The following TMEM120B variants were observed in gnomAD, a reference collection of about 807,000 sequenced individuals.
TMEM120B encodes transmembrane protein 120B.
A neutral mutation model predicts 55.5 loss-of-function variants in TMEM120B; 31 were observed. The observed-to-expected ratio is 0.56, with a 90% CI of 0.42 to 0.75. TMEM120B has a LOEUF of 0.75. Among genes scored for constraint, TMEM120B ranks in the 30% least tolerant of loss-of-function variants. The pLI is 0.00. For synonymous variants in TMEM120B, 203 were observed against 176.3 expected (o/e 1.15, Z -1.20); for missense variants, 399 against 425.5 (o/e 0.94, Z 0.55).
chr12:121,771,038 G>A, intron 7 of TMEM120B, 66 bp downstream of exon 7: 14 of 1,549,474 alleles, frequency 9.0e-6, no homozygotes, highest in Middle Eastern at 1.7e-4. Context: ...CGGGAATGGG[G>A]AGGGGGCTGA....
intron 1 of TMEM120B, among the ~76,000 whole-genome samples, chr12:121,733,728 G>C (rs1184861588): frequency 6.7e-6 from 1 of 150,172 alleles, no homozygotes; most frequent in Non-Finnish European, 1.5e-5. Context: ...AGTAGAGATG[G>C]GGTTTCGCCA....
chr12:121,751,996 A>G, intron 4 of TMEM120B, 132 bp from the exon 5 acceptor site: 1 of 698,398 alleles, frequency 1.4e-6, no homozygotes, highest in South Asian at 1.8e-5. Flanking sequence ...TCTTTCCTTT[A>G]GTGGAATGGG....
At chr12:121,731,637 G>C (rs968918711) in intron 1 of TMEM120B, among the ~76,000 whole-genome samples, 2 of 152,162 alleles carry the variant, frequency 1.3e-5, no homozygotes, top group Non-Finnish European at 2.9e-5. Flanking sequence ...GGTTTCTGTA[G>C]GTGTACTCTA....
At chr12:121,767,723 C>T (rs916895282) in intron 6 of TMEM120B, among the ~76,000 whole-genome samples, 1 of 152,184 alleles carries the variant, frequency 6.6e-6, no homozygotes, top group Non-Finnish European at 1.5e-5. Context: ...AGATGGACGC[C>T]TGGGCTTGTG....
chr12:121,745,763 C>T (rs1004796265), intron 2 of TMEM120B, among the ~76,000 whole-genome samples: 2 of 151,890 alleles, frequency 1.3e-5, no homozygotes, highest in African/African-American at 4.8e-5. Flanking sequence ...CGGCTCACCA[C>T]AGCCTTGATC....
rs1874378045 is a variant in TMEM120B at position 121,779,721 on chromosome 12, C to T, written c.*3999C>T. 6.3e-7 allele frequency: 1 copy of T among 1,590,058 alleles called. No individual in the cohort carries two copies. Among genetic ancestry groups the T allele is most frequent in the African/African-American group, 1.3e-5 (1 of 74,532 alleles). ...GGCCCCTGGAGGTCTCCTAGCACCA[C>T]CTGGTGGGTTTGGGACTGGCTCTGA... On this transcript the variant is annotated 3_prime_UTR_variant, in exon 12 of 12. Transcript: ENST00000449592.
chr12:121,750,395 G>C lies in TMEM120B; in HGVS notation c.321G>C (p.Leu107=). 1.9e-6 allele frequency: 3 copies of C among 1,612,408 alleles called. No individual in the cohort carries two copies. The highest frequency in any genetic ancestry group is 1.1e-5 in the South Asian group (1 of 91,078). Residue 107 remains leucine, a synonymous_variant, in exon 4 of 12, where the codon CTG becomes CTC. Transcript: ENST00000449592. ...LPKKNGLYLN[L]VLGNVNVTLL... ...TTCCTTCCAGGCTCTACTTGAACCTGGTCCTCGGCAATGTGAACGTGACCC... is the reference window on the plus strand; with the variant it reads ...TTCCTTCCAGGCTCTACTTGAACCTCGTCCTCGGCAATGTGAACGTGACCC...
intron 5 of TMEM120B, among the ~76,000 whole-genome samples, chr12:121,753,129 A>T (rs536851794): frequency 6.6e-6 from 1 of 152,186 alleles, no homozygotes; most frequent in South Asian, 2.1e-4. Context: ...GAGAGAAATG[A>T]AGTACTGTCA....
intron 1 of TMEM120B, among the ~76,000 whole-genome samples, chr12:121,723,962 GTTATAA>G (rs1894843160): frequency 6.8e-6 from 1 of 146,402 alleles, no homozygotes; most frequent in Non-Finnish European, 1.5e-5. Context: ...CACCATGCCA[GTTATAA>G]TTAAATTTTT....
At chr12:121,739,798 C>CTTTT (rs200085137) in intron 1 of TMEM120B, among the ~76,000 whole-genome samples, 48 of 99,174 alleles carry the variant, frequency 4.8e-4, no homozygotes, top group East Asian at 8.9e-4. Flanking sequence ...TGCAACACTT[C>CTTTT]TTTTTTTTTT....
intron 1 of TMEM120B, among the ~76,000 whole-genome samples, chr12:121,741,325 TTATTAC>T (rs2137115592): frequency 6.6e-6 from 1 of 152,232 alleles, no homozygotes; most frequent in South Asian, 2.1e-4. Context: ...GAAATTATTA[TTATTAC>T]TATTATTATT....
At chr12:121,744,481 C>A (rs1873025010) in intron 2 of TMEM120B, among the ~76,000 whole-genome samples, 1 of 152,174 alleles carries the variant, frequency 6.6e-6, no homozygotes, top group Non-Finnish European at 1.5e-5. Flanking sequence ...AGGCAGCGTC[C>A]TTTTGTGGGT....
At chr12:121,744,556 A>G (rs911313629) in intron 2 of TMEM120B, among the ~76,000 whole-genome samples, 1 of 151,980 alleles carries the variant, frequency 6.6e-6, no homozygotes, top group African/African-American at 2.4e-5. Context: ...CCTGGTGGAG[A>G]TGTGCTTGAG....
intron 3 of TMEM120B, among the ~76,000 whole-genome samples, chr12:121,749,537 G>A (rs750417962): frequency 2.0e-5 from 3 of 152,148 alleles, no homozygotes; most frequent in Non-Finnish European, 1.5e-5. Flanking sequence ...AACAAAATTG[G>A]TGTGCTGGTG....
chr12:121,713,621 C>A (rs1036049028), intron 1 of TMEM120B, among the ~76,000 whole-genome samples: 2 of 152,124 alleles, frequency 1.3e-5, no homozygotes, highest in African/African-American at 4.8e-5. Context: ...CGGAGCCTTA[C>A]ACGGGGTGGA....
In TMEM120B at chr12:121,779,765, G is replaced by A; in HGVS notation, c.*4043G>A. 7.8e-7 allele frequency: 1 copy of A among 1,289,016 alleles called. No homozygotes were observed. Among genetic ancestry groups the A allele is most frequent in the Non-Finnish European group, 1.1e-6 (1 of 924,854 alleles). 79.8% of individuals were successfully genotyped at this position (1,289,016 alleles called of 1,614,324 possible). A position where few individuals can be genotyped will look rare whatever the true frequency, so the allele number is the denominator to read the frequency against. On this transcript the variant is annotated 3_prime_UTR_variant, in exon 12 of 12. Coordinates refer to ENST00000449592, the MANE Select transcript of TMEM120B (RefSeq NM_001080825.2). ...GCTCTGAGGACTCTGCAGGGATGGA[G>A]GCCTTGGTTTGGGCCTGTCTGTCTC...
chr12:121,779,772 G>T lies in TMEM120B; in HGVS notation c.*4050G>T. On this transcript the variant is annotated 3_prime_UTR_variant, in exon 12 of 12. Transcript: ENST00000449592. ...GGACTCTGCAGGGATGGAGGCCTTG[G>T]TTTGGGCCTGTCTGTCTCCTCCATC... 1.7e-6 allele frequency: 2 copies of T among 1,164,890 alleles called. No individual in the cohort carries two copies. Among genetic ancestry groups the T allele is most frequent in the Non-Finnish European group, 2.4e-6 (2 of 820,372 alleles). 72.2% of individuals were successfully genotyped at this position (1,164,890 alleles called of 1,614,324 possible).
chr12:121,760,063 G>A (rs996104769), intron 5 of TMEM120B, among the ~76,000 whole-genome samples: 34 of 150,108 alleles, frequency 2.3e-4, no homozygotes, highest in Non-Finnish European at 1.2e-4. Context: ...CCCAGGAGGC[G>A]GAGGTTGCAG....
Position 121,779,836 on chromosome 12 carries a change from C to CA in TMEM120B, c.*4115dup, listed in dbSNP as rs1237192987. 3 of 656,468 alleles carry CA rather than the reference C, an allele frequency of 4.6e-6. No homozygotes were observed. The highest frequency in any genetic ancestry group is 1.8e-5 in the African/African-American group (1 of 54,914). The allele number at this position is 656,468 out of a possible 1,614,324, so 40.7% of individuals were successfully genotyped here. ...ACAGTGTGTGGGTGGAATGGAGGGC[C>CA]AGGGCAGTGCAGCCCGCAGGTTGGA... On this transcript the variant is annotated 3_prime_UTR_variant, in exon 12 of 12. Transcript: ENST00000449592.
Sources: allele counts gnomAD v4.1 joint callset (sites outside exome capture counted in the v4.1 genomes callset), GRCh38; gene constraint gnomAD v4.1.1; transcripts MANE v1.5; gene names NCBI Gene and HGNC (gene_info 2026-07-23, HGNC 2026-07-21).